The following ELF2 variants were observed in gnomAD, a reference collection of about 807,000 sequenced individuals.
The protein encoded by ELF2 is E74 like ETS transcription factor 2.
In ELF2, 11 loss-of-function variants were observed where a neutral mutation model predicts 54.8. The observed-to-expected ratio is 0.20, with a 90% CI of 0.13 to 0.33. ELF2 has a LOEUF of 0.33. Ranked by LOEUF, ELF2 falls within the 10% of genes least tolerant of loss-of-function variation. The pLI is 1.00. For synonymous variants in ELF2, 203 were observed against 245.1 expected, an observed-to-expected ratio of 0.83 and a Z score of 1.61; for missense variants, 513 against 703.0, an observed-to-expected ratio of 0.73 and a Z score of 3.06.
Position 139,106,405 on chromosome 4 carries a change from A to G in ELF2, c.238+18759T>C, listed in dbSNP as rs534311453. Among the ~76,000 whole-genome samples the G allele has an allele frequency of 5.3e-5, 8 of 152,342 alleles. No individual in the cohort carries two copies. The East Asian group carries it at 1.3e-3, about 26-fold the overall frequency. ...GATGATGAAAAAAAAGGTAGATGACAGTTAAAATAATACATGGGTGAGACC... is the reference window on the plus strand; with the variant it reads ...GATGATGAAAAAAAAGGTAGATGACGGTTAAAATAATACATGGGTGAGACC... On this transcript the variant is annotated intron_variant, in intron 4 of 9. Coordinates refer to ENST00000686138, the MANE Select transcript of ELF2 (RefSeq NM_001331036.3).
chr4:139,153,967 C>G (rs911305380), intron 1 of ELF2, among the ~76,000 whole-genome samples: 1 of 152,180 alleles, frequency 6.6e-6, no homozygotes, highest in South Asian at 2.1e-4. Context: ...CCTTTCCCTA[C>G]TGTCCCCTTT....
At chr4:139,158,877 GGT>G (rs1057070677) in intron 1 of ELF2, among the ~76,000 whole-genome samples, 1 of 152,014 alleles carries the variant, frequency 6.6e-6, no homozygotes, top group Non-Finnish European at 1.5e-5. Flanking sequence ...AGCTTGGTGA[GGT>G]GTGTTTTTAA....
intron 4 of ELF2, among the ~76,000 whole-genome samples, chr4:139,097,340 G>T (rs1733387048): frequency 6.6e-6 from 1 of 152,132 alleles, no homozygotes; most frequent in South Asian, 2.1e-4. Context: ...AAGTTTTAAT[G>T]TGCAATATTT....
chr4:139,105,030 G>A (rs753762110), intron 4 of ELF2, among the ~76,000 whole-genome samples: 11 of 152,120 alleles, frequency 7.2e-5, no homozygotes, highest in Non-Finnish European at 1.6e-4. Context: ...CTTTCTAGGA[G>A]CCATGGCAGT....
chr4:139,077,682 C>G (rs921368433), intron 4 of ELF2, among the ~76,000 whole-genome samples: 63 of 152,084 alleles, frequency 4.1e-4, no homozygotes, highest in African/African-American at 1.4e-3. Flanking sequence ...TTGTTCAGAT[C>G]AATAATTCAA....
chr4:139,057,982 T>C lies in ELF2; in HGVS notation c.*1001A>G, dbSNP rs1727258567. The C allele has an allele frequency of 1.3e-5, 2 of 152,454 alleles. No homozygotes were observed. Among genetic ancestry groups the C allele is most frequent in the South Asian group, 2.1e-4 (1 of 4,832 alleles). The allele number at this position is 152,454 out of a possible 1,614,324, so 9.4% of individuals were successfully genotyped here. On this transcript the variant is annotated 3_prime_UTR_variant, in exon 10 of 10. Transcript: ENST00000686138. ...ACTATTATAGTTCAAAACTGAACAC[T>C]GGTATTTCCCTCATAAACTTCAACT... is the stretch of plus-strand genomic sequence containing the variant.
chr4:139,065,908 G>T (rs1351340769), intron 7 of ELF2: 6 of 151,080 alleles, frequency 4.0e-5, no homozygotes, highest in African/African-American at 1.5e-4. Flanking sequence ...AACCTAAGAT[G>T]TTAGAAGTGT....
intron 5 of ELF2, chr4:139,072,308 T>C (rs932341657): frequency 6.7e-6 from 2 of 296,302 alleles, no homozygotes; most frequent in South Asian, 5.8e-5. Context: ...TTCACACTTA[T>C]ACTTTCAAAC....
chr4:139,099,357 T>C (rs905768310), intron 4 of ELF2, among the ~76,000 whole-genome samples: 8 of 152,242 alleles, frequency 5.3e-5, no homozygotes, highest in Non-Finnish European at 1.0e-4. Context: ...GAAAACCTAC[T>C]GGGTTCCTGG....
chr4:139,116,055 G>C (rs1387821972), intron 4 of ELF2, among the ~76,000 whole-genome samples: 1 of 152,106 alleles, frequency 6.6e-6, no homozygotes, highest in Non-Finnish European at 1.5e-5. Context: ...AGTTGGCCAG[G>C]CTGGTCTTGG....
At chr4:139,099,561 C>T (rs1309691103) in intron 4 of ELF2, among the ~76,000 whole-genome samples, 1 of 152,196 alleles carries the variant, frequency 6.6e-6, no homozygotes, top group African/African-American at 2.4e-5. Flanking sequence ...CAGAAGTACA[C>T]AACTACCACC....
At chr4:139,092,819 AAAT>A (rs909806152) in intron 4 of ELF2, among the ~76,000 whole-genome samples, 1 of 151,818 alleles carries the variant, frequency 6.6e-6, no homozygotes, top group East Asian at 1.9e-4. Flanking sequence ...AAATAAATAA[AAAT>A]AATAATAATT....
At chr4:139,114,329 G>C (rs2148814779) in intron 4 of ELF2, among the ~76,000 whole-genome samples, 1 of 152,194 alleles carries the variant, frequency 6.6e-6, no homozygotes, top group South Asian at 2.1e-4. Context: ...CCAGCACTTT[G>C]GGAGGCCAAG....
At chr4:139,074,288 A>T (rs576739534) in intron 4 of ELF2, among the ~76,000 whole-genome samples, 7 of 152,046 alleles carry the variant, frequency 4.6e-5, no homozygotes, top group Non-Finnish European at 8.8e-5. Context: ...TAGATTAAAA[A>T]CCCTGTGAGG....
At position 139,145,680 on chromosome 4, in the gene ELF2, A is replaced by C. The variant is rs145734991; in HGVS notation, c.-251-6183T>G. The stretch of plus-strand genomic sequence containing the variant: ...AACCAAATCAAATGGCACATCAAAA[A>C]GATAATACACCATGATCAAGTGGGT... On this transcript the variant is annotated intron_variant, in intron 1 of 9. Coordinates refer to ENST00000686138, the MANE Select transcript of ELF2 (RefSeq NM_001331036.3). Among the ~76,000 whole-genome samples, 104 of 152,366 alleles carry C rather than the reference A, an allele frequency of 6.8e-4. No individual in the cohort carries two copies. The East Asian group carries it at 0.02, about 29-fold the overall frequency.
At chr4:139,059,680 T>C (rs1470376882) in intron 9 of ELF2, 73 bp from the exon 10 acceptor site, 52 of 1,516,798 alleles carry the variant, frequency 3.4e-5, no homozygotes, top group Non-Finnish European at 4.6e-5. Flanking sequence ...GAGTAAAAGA[T>C]TAATACAAAT....
chr4:139,060,812 C>T (rs1487379968), intron 8 of ELF2, 138 bp from the exon 9 acceptor site: 2 of 728,700 alleles, frequency 2.7e-6, no homozygotes, highest in Non-Finnish European at 2.2e-6. Context: ...AAAAAACAAA[C>T]TCTTACTGCC....
At chr4:139,164,831 T>A (rs1741564193) in intron 1 of ELF2, among the ~76,000 whole-genome samples, 1 of 152,236 alleles carries the variant, frequency 6.6e-6, no homozygotes. Context: ...TTTACTGATG[T>A]GTCTGAATTG....
chr4:139,130,858 G>A (rs1330489600), intron 3 of ELF2, among the ~76,000 whole-genome samples: 1 of 152,120 alleles, frequency 6.6e-6, no homozygotes, highest in Non-Finnish European at 1.5e-5. Flanking sequence ...GCTCATCTAT[G>A]GAGGCAAGTA....
Sources: gnomAD v4.1 joint callset for allele counts (sites outside exome capture counted in the v4.1 genomes callset) on GRCh38, gnomAD v4.1.1 for gene constraint, MANE v1.5 for transcripts, NCBI Gene and HGNC (gene_info 2026-07-23, HGNC 2026-07-21) for gene names.